The following CCR1 variants were observed in gnomAD, a reference collection of about 807,000 sequenced individuals.
CCR1 encodes C-C motif chemokine receptor 1.
Under a neutral mutation model 0.3 loss-of-function variants are expected in CCR1, and 1 was observed. The ratio of observed to expected loss-of-function variants is 3.70; its 90% CI spans 1.31 to 17.54. CCR1 has a LOEUF of 17.54. Among genes scored for constraint, CCR1 ranks in the 30% most tolerant of loss-of-function variants. The probability of loss-of-function intolerance (pLI) is 0.11; values close to 1 mark genes in which losing one functional copy is unlikely to be tolerated. For synonymous variants in CCR1, 207 were observed against 182.5 expected, an observed-to-expected ratio of 1.13 and a Z score of -1.08; for missense variants, 349 against 435.4, an observed-to-expected ratio of 0.80 and a Z score of 1.77.
rs1200181216 is a variant in CCR1, at chr3:46,202,102, C to T, written c.*1144G>A. On this transcript the variant is annotated 3_prime_UTR_variant, in exon 2 of 2. Coordinates refer to ENST00000296140, the MANE Select transcript of CCR1 (RefSeq NM_001295.3). Reference sequence around the variant, plus strand: ...TAAATAAGCTACTTTGAGTTAAGGGCCTTCTCGGCCTCCTACATCAACACA... The same window carrying T: ...TAAATAAGCTACTTTGAGTTAAGGGTCTTCTCGGCCTCCTACATCAACACA... The T allele has an allele frequency of 1.3e-5, 2 of 152,284 alleles. No individual in the cohort carries two copies. The highest frequency in any genetic ancestry group is 2.1e-4 in the South Asian group (1 of 4,826). The allele number at this position is 152,284 out of a possible 1,614,324, so 9.4% of individuals were successfully genotyped here.
At position 46,202,261 on chromosome 3, in the gene CCR1, G is replaced by A. The variant is rs1234460416; in HGVS notation, c.*985C>T. 10 of 151,354 alleles carry A rather than the reference G, an allele frequency of 6.6e-5. No individual in the cohort carries two copies. The East Asian group carries it at 9.7e-4, about 15-fold the overall frequency. The allele number at this position is 151,354 out of a possible 1,614,324, so 9.4% of individuals were successfully genotyped here. ...TGCTGACAAGTCCAAGATGGCAGTC[G>A]GAACTCTGACCCATAAAACCAGAAG... On this transcript the variant is annotated 3_prime_UTR_variant, in exon 2 of 2. Coordinates refer to ENST00000296140, the MANE Select transcript of CCR1 (RefSeq NM_001295.3).
rs200504306 is a variant in CCR1, at chr3:46,202,602, A to T, written c.*644T>A. 1 of 151,824 alleles carries T rather than the reference A, an allele frequency of 6.6e-6. No individual in the cohort carries two copies. Among genetic ancestry groups the T allele is most frequent in the African/African-American group, 2.4e-5 (1 of 41,302 alleles). The allele number at this position is 151,824 out of a possible 1,614,324, so 9.4% of individuals were successfully genotyped here. Reference sequence around the variant, plus strand: ...CTGCCAGCAGTAGTTCCCCATTTCTATTTCTCGTTAGGTCTCAACTCTTCC... The same window carrying T: ...CTGCCAGCAGTAGTTCCCCATTTCTTTTTCTCGTTAGGTCTCAACTCTTCC... On this transcript the variant is annotated 3_prime_UTR_variant, in exon 2 of 2. Transcript: ENST00000296140.
At chr3:46,204,650 A>G (rs368764318) in intron 1 of CCR1, among the ~76,000 whole-genome samples, 19 of 152,376 alleles carry the variant, frequency 1.2e-4, no homozygotes, top group African/African-American at 4.6e-4. Flanking sequence ...TTACCATACT[A>G]TTCATAACCA....
intron 1 of CCR1, among the ~76,000 whole-genome samples, chr3:46,207,289 T>G (rs549552706): frequency 6.6e-6 from 1 of 152,148 alleles, no homozygotes; most frequent in East Asian, 1.9e-4. Flanking sequence ...AGTTTCCATC[T>G]CTTCTTTGAA....
In CCR1 at chr3:46,203,171, G is replaced by A. The variant is rs1226350254; in HGVS notation, c.*75C>T. ...GTGCCAAGAGTCAGAACCTGGCTGG[G>A]AGAGCCAGGCTGCTGGCTCAGTGTG... On this transcript the variant is annotated 3_prime_UTR_variant, in exon 2 of 2. Coordinates refer to ENST00000296140, the MANE Select transcript of CCR1 (RefSeq NM_001295.3). The surrounding 1 kb of genome is among the most constrained non-coding windows in gnomAD (Gnocchi z 4.5). 1.8e-6 allele frequency: 2 copies of A among 1,082,744 alleles called. No homozygotes were observed. Among genetic ancestry groups the A allele is most frequent in the African/African-American group, 1.6e-5 (1 of 63,892 alleles). 67.1% of individuals were successfully genotyped at this position (1,082,744 alleles called of 1,614,324 possible).
chr3:46,204,627 C>T (rs148315519), intron 1 of CCR1, among the ~76,000 whole-genome samples: 13 of 152,244 alleles, frequency 8.5e-5, no homozygotes, highest in Non-Finnish European at 1.8e-4. Flanking sequence ...GGGTGGAAAG[C>T]CAGAGGGAGA....
At chr3:46,207,662 TTCAGA>T (rs1263559594) in intron 1 of CCR1, among the ~76,000 whole-genome samples, 1 of 152,052 alleles carries the variant, frequency 6.6e-6, no homozygotes, top group East Asian at 1.9e-4. Flanking sequence ...TTTTTTTTTT[TTCAGA>T]CAGACTCTTG....
Position 46,204,055 on chromosome 3 carries a change from G to GCGTGAACA in CCR1, c.251_258dup (p.Leu87CysfsTer12). 6.2e-7 allele frequency: 1 copy of GCGTGAACA among 1,614,220 alleles called. No individual in the cohort carries two copies. Among genetic ancestry groups the GCGTGAACA allele is most frequent in the Non-Finnish European group, 8.5e-7 (1 of 1,180,032 alleles). ...AACTTGTAGTCGATCCAGAAGGGAA[G>GCGTGAACA]CGTGAACAGGAAGAGCAGGTCAGAA... On this transcript the variant is annotated frameshift_variant, in exon 2 of 2. Transcript: ENST00000296140. LOFTEE classifies it low-confidence loss of function (END_TRUNC).
rs1699602537 is a variant in CCR1 at position 46,202,215 on chromosome 3, A to T, written c.*1031T>A. 1 of 149,060 alleles carries T rather than the reference A, an allele frequency of 6.7e-6. No individual in the cohort carries two copies. 9.2% of individuals were successfully genotyped at this position (149,060 alleles called of 1,614,324 possible). A position where few individuals can be genotyped will look rare whatever the true frequency, so the allele number is the denominator to read the frequency against. The stretch of plus-strand genomic sequence containing the variant: ...GTCAGCTTACACAGCAGGCCTTATT[A>T]TTATTATTATTTTTTTTTTTTGCTG... On this transcript the variant is annotated 3_prime_UTR_variant, in exon 2 of 2. Transcript: ENST00000296140.
chr3:46,206,771 G>A (rs1177580021), intron 1 of CCR1, among the ~76,000 whole-genome samples: 2 of 152,200 alleles, frequency 1.3e-5, no homozygotes, highest in East Asian at 3.9e-4. Flanking sequence ...GGCCCGAGAA[G>A]AGAAACCAAA....
intron 1 of CCR1, among the ~76,000 whole-genome samples, chr3:46,207,658 T>G (rs1482835673): frequency 1.3e-5 from 2 of 152,058 alleles, no homozygotes; most frequent in East Asian, 3.9e-4. Flanking sequence ...ATTTTTTTTT[T>G]TTTTTCAGAC....
At position 46,203,236 on chromosome 3, in the gene CCR1, A is replaced by G. The variant is rs748574586; in HGVS notation, c.*10T>C. 1 of 1,600,878 alleles carries G rather than the reference A, an allele frequency of 6.2e-7. No homozygotes were observed. The highest frequency in any genetic ancestry group is 1.1e-5 in the South Asian group (1 of 90,134). On this transcript the variant is annotated 3_prime_UTR_variant, in exon 2 of 2. Coordinates refer to ENST00000296140, the MANE Select transcript of CCR1 (RefSeq NM_001295.3). This position sits in a 1 kb window ranked among gnomAD's most constrained non-coding sequence, Gnocchi z 4.5. ...CCTGCTTATTTTGGGTTGGCCTCCT[A>G]TGGTCTGAGTCAGAACCCAGCAGAG...
chr3:46,203,985 G>A lies in CCR1; in HGVS notation c.329C>T (p.Ser110Phe), dbSNP rs202106454. ...GTACAAGCCTGTGTAATAAAACCCA[G>A]AGAGGATCTTACACATGGCATCACC... Reference protein sequence around the residue: ...VFGDAMCKILSGFYYTGLYSE... With the variant: ...VFGDAMCKILFGFYYTGLYSE... The change falls in exon 2 of 2, where the codon TCT (serine) becomes TTT (phenylalanine). Residue 110 changes from serine (S) to phenylalanine (F), a missense_variant. Ser to Phe is a radical substitution (Grantham distance 155). Transcript: ENST00000296140. The surrounding 1 kb of genome is among the most constrained non-coding windows in gnomAD (Gnocchi z 4.5). The A allele has an allele frequency of 3.1e-6, 5 of 1,614,040 alleles. No individual in the cohort carries two copies. The highest frequency in any genetic ancestry group is 3.3e-5 in the Admixed American group (2 of 60,002).
At chr3:46,205,807 G>T (rs573141914) in intron 1 of CCR1, among the ~76,000 whole-genome samples, 1 of 152,142 alleles carries the variant, frequency 6.6e-6, no homozygotes, top group African/African-American at 2.4e-5. Flanking sequence ...GGCCTGGCAA[G>T]AGCCAGGCCA....
chr3:46,208,054 C>T (rs1431483909), intron 1 of CCR1, among the ~76,000 whole-genome samples: 1 of 152,044 alleles, frequency 6.6e-6, no homozygotes, highest in Non-Finnish European at 1.5e-5. Flanking sequence ...TCCTTTTTAG[C>T]AAAAAAGCCT....
chr3:46,207,153 T>C (rs1361166027), intron 1 of CCR1, among the ~76,000 whole-genome samples: 1 of 152,148 alleles, frequency 6.6e-6, no homozygotes, highest in Admixed American at 6.5e-5. Context: ...TGTTGAACAT[T>C]TACCAGCACA....
At chr3:46,208,020 A>G (rs1399959505) in intron 1 of CCR1, among the ~76,000 whole-genome samples, 3 of 152,214 alleles carry the variant, frequency 2.0e-5, no homozygotes, top group Non-Finnish European at 4.4e-5. Flanking sequence ...ATCAGTAACC[A>G]AAAGCCAATC....
chr3:46,204,910 G>A (rs1176723131), intron 1 of CCR1, among the ~76,000 whole-genome samples: 8 of 152,180 alleles, frequency 5.3e-5, no homozygotes, highest in Admixed American at 5.2e-4. Flanking sequence ...TTTGCACTGT[G>A]GAGCCCACAG....
chr3:46,206,658 A>T (rs1313055702), intron 1 of CCR1, among the ~76,000 whole-genome samples: 2 of 152,188 alleles, frequency 1.3e-5, no homozygotes, highest in Non-Finnish European at 2.9e-5. Context: ...AGTCACCTCC[A>T]TACACCCCCT....
Sources: allele counts gnomAD v4.1 joint callset (sites outside exome capture counted in the v4.1 genomes callset), GRCh38; gene constraint gnomAD v4.1.1; non-coding constraint Gnocchi (gnomAD v3.1); transcripts MANE v1.5; gene names NCBI Gene and HGNC (gene_info 2026-07-23, HGNC 2026-07-21).